Variants in PRKN observed in about 807,000 individuals in gnomAD.
PRKN encodes the protein parkin RBR E3 ubiquitin protein ligase, also known as E3 ubiquitin-protein ligase parkin.
Under a neutral mutation model 59.5 loss-of-function variants are expected in PRKN, and 56 were observed. That is an observed-to-expected ratio of 0.94 (90% confidence interval 0.76 to 1.18). The LOEUF is 1.18. PRKN is among the 50% of genes most tolerant of loss of function. PRKN has a pLI of 0.00. For synonymous variants in PRKN, 250 were observed against 222.1 expected (o/e 1.13, Z -1.12); for missense variants, 657 against 596.4 (o/e 1.10, Z -1.06).
chr6:162,378,417 G>A (rs1389933789), intron 2 of PRKN, among the ~76,000 whole-genome samples: 1 of 152,268 alleles, frequency 6.6e-6, no homozygotes, highest in Non-Finnish European at 1.5e-5. Context: ...ACAGTTTAAT[G>A]TGTTTTCAAT....
At position 161,445,362 on chromosome 6, in the gene PRKN, G is replaced by A. The variant is rs555076334; in HGVS notation, c.1084-58485C>T. On this transcript the variant is annotated intron_variant, in intron 9 of 11. Transcript: ENST00000366898. This position sits in a 1 kb window ranked among gnomAD's most constrained non-coding sequence, Gnocchi z 7.7. ...ATGCAGTTGCTGGGGGCTCATGAGG[G>A]GCTCAGTGGTGCCCCTGGCCACCGA... Among the ~76,000 whole-genome samples the A allele has an allele frequency of 2.6e-5, 4 of 152,294 alleles. No homozygotes were observed. The South Asian group carries it at 8.3e-4, about 32-fold the overall frequency.
chr6:161,630,266 G>A (rs1783250348), intron 7 of PRKN, among the ~76,000 whole-genome samples: 1 of 151,926 alleles, frequency 6.6e-6, no homozygotes, highest in Non-Finnish European at 1.5e-5. Context: ...AGGAACTGCC[G>A]AGCACCCACC....
intron 1 of PRKN, among the ~76,000 whole-genome samples, chr6:162,597,907 T>C (rs1031652469): frequency 2.6e-5 from 4 of 152,238 alleles, no homozygotes; most frequent in African/African-American, 4.8e-5. Flanking sequence ...ATTTTACAAC[T>C]GTCTCTTTTC....
intron 9 of PRKN, among the ~76,000 whole-genome samples, chr6:161,433,942 G>A (rs931296760): frequency 1.3e-5 from 2 of 152,014 alleles, no homozygotes; most frequent in African/African-American, 2.4e-5. Flanking sequence ...ATCTGAACCC[G>A]GGAGGCAGAG....
intron 6 of PRKN, among the ~76,000 whole-genome samples, chr6:161,800,839 T>G (rs1791046524): frequency 6.6e-6 from 1 of 152,218 alleles, no homozygotes; most frequent in Admixed American, 6.5e-5. Flanking sequence ...CATCATTTAG[T>G]GAATGCTTCT....
In PRKN at chr6:161,475,369, G is replaced by T. The variant is rs1791015651; in HGVS notation, c.1083+73485C>A. ...TTTTTGGTCATCACGAGGAAGGAGG[G>T]TACTCATTCTCATGCATGGTTTATT... is the stretch of plus-strand genomic sequence containing the variant. On this transcript the variant is annotated intron_variant, in intron 9 of 11. Coordinates refer to ENST00000366898, the MANE Select transcript of PRKN (RefSeq NM_004562.3). This position sits in a 1 kb window ranked among gnomAD's most constrained non-coding sequence, Gnocchi z 5.3. Among the ~76,000 whole-genome samples the T allele has an allele frequency of 6.6e-6, 1 of 152,138 alleles. No individual in the cohort carries two copies. The highest frequency in any genetic ancestry group is 6.6e-5 in the Admixed American group (1 of 15,264).
At chr6:162,423,084 T>A (rs561769912) in intron 2 of PRKN, among the ~76,000 whole-genome samples, 11 of 152,134 alleles carry the variant, frequency 7.2e-5, no homozygotes, top group African/African-American at 2.7e-4. Flanking sequence ...GAAATCTGAA[T>A]TGGAATAGAC....
chr6:161,482,339 C>T (rs945219528), intron 9 of PRKN, among the ~76,000 whole-genome samples: 11 of 152,132 alleles, frequency 7.2e-5, no homozygotes, highest in African/African-American at 2.2e-4. Flanking sequence ...AGCATGCCAG[C>T]GTGCAGTGTT....
chr6:161,367,730 C>T (rs960561490), intron 10 of PRKN, among the ~76,000 whole-genome samples: 9 of 152,078 alleles, frequency 5.9e-5, no homozygotes, highest in African/African-American at 1.7e-4. Context: ...GAGGGAGGGG[C>T]GGCCGGCGGG....
intron 4 of PRKN, among the ~76,000 whole-genome samples, chr6:162,172,791 C>A (rs896444848): frequency 6.6e-6 from 1 of 151,980 alleles, no homozygotes; most frequent in Non-Finnish European, 1.5e-5. Context: ...ACCAAAGGAA[C>A]AAAATAAAAA....
At chr6:161,597,146 G>A (rs1458397191) in intron 7 of PRKN, among the ~76,000 whole-genome samples, 10 of 152,252 alleles carry the variant, frequency 6.6e-5, no homozygotes, top group Admixed American at 5.9e-4. Context: ...ATCTTGAGCT[G>A]CAGCACCTGT....
chr6:162,700,469 C>T (rs917010767), intron 1 of PRKN, among the ~76,000 whole-genome samples: 8 of 152,154 alleles, frequency 5.3e-5, no homozygotes, highest in Non-Finnish European at 1.2e-4. Context: ...AACACTTCAA[C>T]ATTCACATCT....
chr6:162,625,057 C>T (rs1269214148), intron 1 of PRKN, among the ~76,000 whole-genome samples: 1 of 152,196 alleles, frequency 6.6e-6, no homozygotes, highest in East Asian at 1.9e-4. Context: ...AAGTGACTTG[C>T]TTTGGCCAAT....
intron 7 of PRKN, among the ~76,000 whole-genome samples, chr6:161,763,674 C>T (rs1165620817): frequency 6.6e-6 from 1 of 152,080 alleles, no homozygotes; most frequent in African/African-American, 2.4e-5. Flanking sequence ...GCACACTCAC[C>T]AGCCCCTTTC....
At chr6:162,666,505 G>A (rs1779110549) in intron 1 of PRKN, among the ~76,000 whole-genome samples, 2 of 152,098 alleles carry the variant, frequency 1.3e-5, no homozygotes, top group Admixed American at 1.3e-4. Context: ...TTAGTCCTAG[G>A]AGAGCGAAAT....
At chr6:162,618,059 G>A (rs1176900446) in intron 1 of PRKN, among the ~76,000 whole-genome samples, 1 of 152,144 alleles carries the variant, frequency 6.6e-6, no homozygotes, top group Non-Finnish European at 1.5e-5. Context: ...CATGCTGTTA[G>A]TGTTAAACAT....
chr6:161,913,300 A>C (rs992954799), intron 6 of PRKN, among the ~76,000 whole-genome samples: 2 of 152,318 alleles, frequency 1.3e-5, no homozygotes, highest in Non-Finnish European at 2.9e-5. Flanking sequence ...ATGCCAAGAG[A>C]CTAACGTCTT....
intron 6 of PRKN, among the ~76,000 whole-genome samples, chr6:161,829,849 CA>C (rs11457054): frequency 0.067 from 5,798 of 86,374 alleles, 112 homozygotes; most frequent in Middle Eastern, 0.13. Context: ...CACTAAATGC[CA>C]AAAAAAAAAA....
chr6:162,217,168 C>T (rs1052697663), intron 3 of PRKN, among the ~76,000 whole-genome samples: 1 of 152,198 alleles, frequency 6.6e-6, no homozygotes, highest in Non-Finnish European at 1.5e-5. Flanking sequence ...CACCTCTTGA[C>T]ACATTCTCCA....
Sources: allele counts gnomAD v4.1 joint callset (sites outside exome capture counted in the v4.1 genomes callset), GRCh38; gene constraint gnomAD v4.1.1; non-coding constraint Gnocchi (gnomAD v3.1); transcripts MANE v1.5; gene names NCBI Gene and HGNC (gene_info 2026-07-23, HGNC 2026-07-21).